WDR20: variants seen among roughly 807,000 people sequenced by gnomAD.
The protein encoded by WDR20 is WD repeat domain 20, also known as WD repeat-containing protein 20.
In WDR20, 3 loss-of-function variants were observed where a neutral mutation model predicts 38.7. The observed-to-expected ratio is 0.08, with a 90% CI of 0.04 to 0.20. The LOEUF (loss-of-function observed/expected upper bound fraction) is 0.20. Ranked by LOEUF, WDR20 falls within the 10% of genes least tolerant of loss-of-function variation. WDR20 has a pLI of 1.00. For synonymous variants in WDR20, 298 were observed against 285.6 expected, an observed-to-expected ratio of 1.04 and a Z score of -0.44; for missense variants, 559 against 727.7, an observed-to-expected ratio of 0.77 and a Z score of 2.67.
downstream of WDR20, among the ~76,000 whole-genome samples, chr14:102,216,278 T>C (rs115707722): frequency 5.5e-3 from 838 of 152,192 alleles, 5 homozygotes; most frequent in African/African-American, 0.019. Flanking sequence ...GCCACAAGAG[T>C]GCACAGGGCT....
intron 1 of WDR20, among the ~76,000 whole-genome samples, chr14:102,184,077 T>G (rs1399492462): frequency 6.6e-6 from 1 of 152,240 alleles, no homozygotes; most frequent in Non-Finnish European, 1.5e-5. Context: ...CTATACATAT[T>G]TAACAGAAGG....
chr14:102,147,212 C>G (rs1383589396), intron 1 of WDR20, among the ~76,000 whole-genome samples: 1 of 152,014 alleles, frequency 6.6e-6, no homozygotes, highest in Non-Finnish European at 1.5e-5. Flanking sequence ...CTGGCCAACA[C>G]GGGGAAACCA....
chr14:102,218,009 A>G (rs2063433761), downstream of WDR20, among the ~76,000 whole-genome samples: 1 of 152,166 alleles, frequency 6.6e-6, no homozygotes, highest in Non-Finnish European at 1.5e-5. Context: ...ACGCCAGTGG[A>G]GGTGACCTCC....
intron 1 of WDR20, among the ~76,000 whole-genome samples, chr14:102,161,118 CTGCATA>C: frequency 3.0e-5 from 1 of 32,962 alleles, no homozygotes; most frequent in East Asian, 2.2e-3. Context: ...CAAAGCATAA[CTGCATA>C]TATATATATA....
In WDR20 at chr14:102,209,467, A is replaced by T; in HGVS notation, c.1297A>T (p.Asn433Tyr). 6.2e-7 allele frequency: 1 copy of T among 1,614,192 alleles called. No individual in the cohort carries two copies. Among genetic ancestry groups the T allele is most frequent in the Non-Finnish European group, 8.5e-7 (1 of 1,180,032 alleles). Residue 433 changes from asparagine to tyrosine, a missense_variant, in exon 3 of 3, where the codon AAC becomes TAC. By Grantham distance (143) the Asn-to-Tyr change is moderately radical. Transcript: ENST00000342702. The surrounding 1 kb of genome is among the most constrained non-coding windows in gnomAD (Gnocchi z 6.0). ...NSVPPPLPRSNSLPHSAVSNA... is the reference protein window; with the variant it reads ...NSVPPPLPRSYSLPHSAVSNA... Reference sequence around the variant, plus strand: ...TGTGCCGCCTCCTCTGCCACGGTCCAACAGCCTTCCACATTCAGCAGTCTC... The same window carrying T: ...TGTGCCGCCTCCTCTGCCACGGTCCTACAGCCTTCCACATTCAGCAGTCTC...
chr14:102,139,509 C>G, upstream of WDR20: 6 of 1,241,370 alleles, frequency 4.8e-6, no homozygotes, highest in Non-Finnish European at 6.5e-6. Flanking sequence ...CAGGGCAGGG[C>G]GGGAGACCGC....
intron 1 of WDR20, among the ~76,000 whole-genome samples, chr14:102,155,540 T>G (rs912306861): frequency 3.3e-5 from 5 of 152,184 alleles, no homozygotes; most frequent in Non-Finnish European, 7.3e-5. Flanking sequence ...AGCTCAGCAT[T>G]TTCCATCCCT....
chr14:102,164,591 A>G (rs1566872636), intron 1 of WDR20, among the ~76,000 whole-genome samples: 1 of 152,020 alleles, frequency 6.6e-6, no homozygotes, highest in Non-Finnish European at 1.5e-5. Context: ...TGCCAGATCC[A>G]TTGGACACCG....
At chr14:102,213,394 C>A (rs2062802890), downstream of WDR20, 3 of 985,490 alleles carry the variant, frequency 3.0e-6, no homozygotes, top group Non-Finnish European at 3.6e-6. Context: ...TCTCATTTCT[C>A]TTTTGTGCTG....
At chr14:102,213,413 T>G (rs1009953307), downstream of WDR20, 4 of 985,356 alleles carry the variant, frequency 4.1e-6, no homozygotes, top group African/African-American at 7.0e-5. Context: ...TGATTGAACC[T>G]TCTAGCAGTT....
At chr14:102,187,202 C>A (rs1222618560) in intron 1 of WDR20, among the ~76,000 whole-genome samples, 1 of 152,190 alleles carries the variant, frequency 6.6e-6, no homozygotes, top group Non-Finnish European at 1.5e-5. Context: ...TTATGGCAAC[C>A]TTTGATGTTA....
chr14:102,186,485 G>T (rs2064772795), intron 1 of WDR20, among the ~76,000 whole-genome samples: 1 of 152,132 alleles, frequency 6.6e-6, no homozygotes, highest in South Asian at 2.1e-4. Flanking sequence ...TTCAAAAGGT[G>T]AATATCAGCT....
chr14:102,165,961 A>G (rs1197909003), intron 1 of WDR20, among the ~76,000 whole-genome samples: 1 of 150,706 alleles, frequency 6.6e-6, no homozygotes, highest in Non-Finnish European at 1.5e-5. Flanking sequence ...TTCCATTTTT[A>G]TTCTCTCCTT....
In WDR20 at chr14:102,143,477, T is replaced by G. The variant is rs1196600517; in HGVS notation, c.249+3305T>G. Among the ~76,000 whole-genome samples the G allele has an allele frequency of 2.6e-5, 4 of 152,142 alleles. No individual in the cohort carries two copies. In the East Asian group the frequency reaches 5.8e-4, roughly 22 times the overall value. On this transcript the variant is annotated intron_variant, in intron 1 of 2. Coordinates refer to ENST00000342702, the MANE Select transcript of WDR20 (RefSeq NM_144574.4). Reference sequence around the variant, plus strand: ...AGTAATAATACCAGGCAAGGTGATGTGAGGTATTCAGAGCTAAATAAGACC... The same window carrying G: ...AGTAATAATACCAGGCAAGGTGATGGGAGGTATTCAGAGCTAAATAAGACC...
At chr14:102,206,277 G>A (rs1228173402) in intron 2 of WDR20, among the ~76,000 whole-genome samples, 2 of 152,194 alleles carry the variant, frequency 1.3e-5, no homozygotes, top group African/African-American at 4.8e-5. Flanking sequence ...GTGAGCCGCC[G>A]CGCCTGGCCA....
chr14:102,158,200 C>G lies in WDR20; in HGVS notation c.249+18028C>G, dbSNP rs547772955. ...TGCATGTGGTTGAAGGATAGCACAT[C>G]TGTGCTGCCTACACTCCCCTAAGAT... On this transcript the variant is annotated intron_variant, in intron 1 of 2. Transcript: ENST00000342702. Among the ~76,000 whole-genome samples the G allele has an allele frequency of 2.0e-5, 3 of 152,294 alleles. No homozygotes were observed. The South Asian group carries it at 6.2e-4, about 32-fold the overall frequency.
intron 1 of WDR20, among the ~76,000 whole-genome samples, chr14:102,162,597 T>C (rs982618912): frequency 1.7e-4 from 26 of 152,040 alleles, no homozygotes; most frequent in Admixed American, 3.9e-4. Context: ...TTCTTTCTTT[T>C]TCTTTCTTTC....
chr14:102,166,343 G>A lies in WDR20; in HGVS notation c.249+26171G>A, dbSNP rs753263882. On this transcript the variant is annotated intron_variant, in intron 1 of 2. Transcript: ENST00000342702. The stretch of plus-strand genomic sequence containing the variant: ...TATGTTTTTATGATATTGGTTGTTT[G>A]AGATTTGGTGAGTCTTTCTTTGTAA... 2.7e-4 allele frequency among the ~76,000 whole-genome samples: 41 copies of A among 152,204 alleles called. 1 individual carries two copies. The highest frequency in any genetic ancestry group is 1.0e-4 in the Non-Finnish European group (7 of 68,048).
At position 102,209,765 on chromosome 14, in the gene WDR20, C is replaced by T. The variant is rs2062190715; in HGVS notation, c.1595C>T (p.Ala532Val). The change falls in exon 3 of 3, where the codon GCA (alanine) becomes GTA (valine). Residue 532 changes from alanine to valine, a missense_variant. Ala to Val is a moderately conservative substitution (Grantham distance 64). Transcript: ENST00000342702. This position sits in a 1 kb window ranked among gnomAD's most constrained non-coding sequence, Gnocchi z 6.0. ...GAGCCGCTGATATGTAAAAAGATAG[C>T]ACATGAGAGACTGACTGTACTAATA... ...LLEPLICKKI[A>V]HERLTVLIFL... 1.2e-6 allele frequency: 2 copies of T among 1,614,078 alleles called. No individual in the cohort carries two copies. The highest frequency in any genetic ancestry group is 1.7e-6 in the Non-Finnish European group (2 of 1,180,026).
Sources: allele counts gnomAD v4.1 joint callset (sites outside exome capture counted in the v4.1 genomes callset), GRCh38; gene constraint gnomAD v4.1.1; non-coding constraint Gnocchi (gnomAD v3.1); transcripts MANE v1.5; gene names NCBI Gene and HGNC (gene_info 2026-07-23, HGNC 2026-07-21).